Variants in FKTN observed in about 807,000 individuals in gnomAD.
The protein encoded by FKTN is fukutin.
Under a neutral mutation model 58.6 loss-of-function variants are expected in FKTN, and 47 were observed. The ratio of observed to expected loss-of-function variants is 0.80; its 90% CI spans 0.63 to 1.02. The LOEUF is 1.02. Ranked by LOEUF, FKTN falls within the 50% of genes least tolerant of loss-of-function variation. The probability of loss-of-function intolerance (pLI) is 0.00; values close to 1 mark genes in which losing one functional copy is unlikely to be tolerated. For synonymous variants in FKTN, 178 were observed against 191.9 expected (o/e 0.93, Z 0.60); for missense variants, 516 against 537.3 (o/e 0.96, Z 0.39).
intron 3 of FKTN, among the ~76,000 whole-genome samples, chr9:105,595,316 A>G (rs1429079866): frequency 6.6e-6 from 1 of 152,184 alleles, no homozygotes; most frequent in African/African-American, 2.4e-5. Flanking sequence ...ATGGTATGTG[A>G]ATTATATCTC....
Position 105,635,491 on chromosome 9 carries a change from C to G in FKTN, c.*227C>G. On this transcript the variant is annotated 3_prime_UTR_variant, in exon 11 of 11. Transcript: ENST00000357998. ...AGTGGAGAAGCCTAGATGAATGAGA[C>G]AAATACCTACTTCTTTTATTCCTCC... 1 of 1,409,710 alleles carries G rather than the reference C, an allele frequency of 7.1e-7. No individual in the cohort carries two copies. Among genetic ancestry groups the G allele is most frequent in the Non-Finnish European group, 9.2e-7 (1 of 1,086,784 alleles). 87.3% of individuals were successfully genotyped at this position (1,409,710 alleles called of 1,614,324 possible).
chr9:105,565,335 G>T lies in FKTN; in HGVS notation c.-181+7170G>T, dbSNP rs111968389. ...AATGTAAATGGGCTAAATGCCCCAA[G>T]TAAAAGACACAGACTGGCAAATTGG... On this transcript the variant is annotated intron_variant, in intron 1 of 10. Transcript: ENST00000357998. Among the ~76,000 whole-genome samples, 1,379 of 152,180 alleles carry T rather than the reference G, an allele frequency of 9.1e-3. 23 individuals are homozygous for T. The highest frequency in any genetic ancestry group is 0.032 in the African/African-American group (1,319 of 41,490).
chr9:105,632,440 AT>A (rs202135534), intron 10 of FKTN, among the ~76,000 whole-genome samples: 2,380 of 146,370 alleles, frequency 0.016, 82 homozygotes, highest in African/African-American at 0.058. Context: ...ATATATATAT[AT>A]AAAAATAAAA....
In FKTN at chr9:105,618,023, A is replaced by G. The variant is rs774410536; in HGVS notation, c.975A>G (p.Gln325=). 7 of 1,602,032 alleles carry G rather than the reference A, an allele frequency of 4.4e-6. No individual in the cohort carries two copies. The highest frequency in any genetic ancestry group is 6.0e-6 in the Non-Finnish European group (7 of 1,169,028). ...SKDVDLGIFI[Q]DYKSDIILAF... ...ATGTTGACCTAGGAATTTTTATACA[A>G]GATTACAAATCTGATATTATTTTAG... The change falls in exon 9 of 11, where the codon CAA becomes CAG. Residue 325 remains glutamine (Q), a synonymous_variant. Coordinates refer to ENST00000357998, the MANE Select transcript of FKTN (RefSeq NM_001079802.2).
At chr9:105,592,690 C>T (rs556496711) in intron 3 of FKTN, among the ~76,000 whole-genome samples, 2 of 152,256 alleles carry the variant, frequency 1.3e-5, no homozygotes, top group African/African-American at 4.8e-5. Context: ...CTATCACTCT[C>T]GAGTTCAGAG....
At position 105,639,461 on chromosome 9, in the gene FKTN, T is replaced by C; in HGVS notation, c.*4197T>C. On this transcript the variant is annotated 3_prime_UTR_variant, in exon 11 of 11. Coordinates refer to ENST00000357998, the MANE Select transcript of FKTN (RefSeq NM_001079802.2). ...GGAAATGATACATACTTCTAAGGGT[T>C]TTTAGGGGGATTAAATGAAGTATAC... 1 of 644,458 alleles carries C rather than the reference T, an allele frequency of 1.6e-6. No individual in the cohort carries two copies. Among genetic ancestry groups the C allele is most frequent in the Non-Finnish European group, 1.9e-6 (1 of 519,006 alleles). The allele number at this position is 644,458 out of a possible 1,614,324, so 39.9% of individuals were successfully genotyped here.
chr9:105,612,502 G>A (rs1410016572), intron 7 of FKTN, among the ~76,000 whole-genome samples: 2 of 78,618 alleles, frequency 2.5e-5, no homozygotes, highest in African/African-American at 1.2e-4. Flanking sequence ...TATCTTCCAG[G>A]GTTTTATAGT....
At chr9:105,568,840 G>C (rs1840190304) in intron 1 of FKTN, among the ~76,000 whole-genome samples, 1 of 152,178 alleles carries the variant, frequency 6.6e-6, no homozygotes, top group Non-Finnish European at 1.5e-5. Flanking sequence ...ACATGCACAT[G>C]TATGTTTATT....
rs766258990 is a variant in FKTN, at chr9:105,601,323, T to G, written c.344T>G (p.Leu115Arg). The change falls in exon 5 of 11, where the codon CTG becomes CGG. Residue 115 changes from leucine (L) to arginine (R), a missense_variant. Transcript: ENST00000357998. ...CCAAGAGACTTTACTGCATTTGCAC[T>G]GCAGTATCACCTATGGAAGAATGAG... The part of the protein sequence containing the change: ...CVPRDFTAFA[L>R]QYHLWKNEEG... 1 of 1,609,238 alleles carries G rather than the reference T, an allele frequency of 6.2e-7. No individual in the cohort carries two copies. The highest frequency in any genetic ancestry group is 1.1e-5 in the South Asian group (1 of 91,006).
intron 6 of FKTN, among the ~76,000 whole-genome samples, chr9:105,606,159 AC>A (rs1828855033): frequency 6.6e-6 from 1 of 152,150 alleles, no homozygotes. Flanking sequence ...AGCAAGACGT[AC>A]CAAAAAAGAC....
chr9:105,590,480 A>C (rs576605831), intron 3 of FKTN, among the ~76,000 whole-genome samples: 3 of 152,196 alleles, frequency 2.0e-5, no homozygotes, highest in Non-Finnish European at 4.4e-5. Context: ...TATTCTAGTA[A>C]TTTACACAAG....
chr9:105,573,075 A>G (rs1841038425), intron 1 of FKTN, among the ~76,000 whole-genome samples: 1 of 151,768 alleles, frequency 6.6e-6, no homozygotes, highest in South Asian at 2.1e-4. Flanking sequence ...TCTAAACTAA[A>G]TATACAAAAA....
At position 105,590,319 on chromosome 9, in the gene FKTN, T is replaced by C. The variant is rs117714869; in HGVS notation, c.106-6279T>C. On this transcript the variant is annotated intron_variant, in intron 3 of 10. Transcript: ENST00000357998. The stretch of plus-strand genomic sequence containing the variant: ...CTCTTGTCTGCTGCCATGTAAGATA[T>C]ACCTTTCACCTTCTGCCATGATTGT... 5.6e-3 allele frequency among the ~76,000 whole-genome samples: 848 copies of C among 152,338 alleles called. 15 individuals carry two copies. The East Asian group carries it at 0.062, about 11-fold the overall frequency.
intron 10 of FKTN, among the ~76,000 whole-genome samples, chr9:105,634,513 C>T (rs1833850792): frequency 6.6e-6 from 1 of 152,074 alleles, no homozygotes; most frequent in Non-Finnish European, 1.5e-5. Context: ...ACTAGTATTC[C>T]TTGGGCTGGT....
At chr9:105,574,384 A>C (rs1448961400) in intron 2 of FKTN, 2 of 152,264 alleles carry the variant, frequency 1.3e-5, no homozygotes, top group East Asian at 3.8e-4. Flanking sequence ...GAATAATCAG[A>C]GATGAGACCT....
chr9:105,573,141 A>G (rs1198503488), intron 1 of FKTN, among the ~76,000 whole-genome samples: 1 of 152,074 alleles, frequency 6.6e-6, no homozygotes, highest in African/African-American at 2.4e-5. Flanking sequence ...AGGCTGAGAT[A>G]GGAGAATTGC....
At chr9:105,612,128 T>C (rs1245595564) in intron 7 of FKTN, among the ~76,000 whole-genome samples, 3 of 152,118 alleles carry the variant, frequency 2.0e-5, no homozygotes, top group Non-Finnish European at 4.4e-5. Context: ...TTTCTAATGA[T>C]CAGTGATGTT....
intron 10 of FKTN, among the ~76,000 whole-genome samples, chr9:105,632,917 G>C (rs1833668558): frequency 6.6e-6 from 1 of 152,140 alleles, no homozygotes; most frequent in Admixed American, 6.5e-5. Context: ...AAAAGCCAAG[G>C]TAACATTGCA....
chr9:105,602,146 C>A (rs1392457849), intron 5 of FKTN, among the ~76,000 whole-genome samples: 1 of 152,160 alleles, frequency 6.6e-6, no homozygotes, highest in Non-Finnish European at 1.5e-5. Context: ...AAAATTGTCT[C>A]TTCATTGACA....
Sources: allele counts gnomAD v4.1 joint callset (sites outside exome capture counted in the v4.1 genomes callset), GRCh38; gene constraint gnomAD v4.1.1; transcripts MANE v1.5; gene names NCBI Gene and HGNC (gene_info 2026-07-23, HGNC 2026-07-21).